SLCO4A1: variants seen among roughly 807,000 people sequenced by gnomAD.
SLCO4A1 encodes solute carrier organic anion transporter family member 4A1, also known as colon organic anion transporter.
SLCO4A1 carries 51 observed loss-of-function variants against 64.6 expected under a neutral mutation model. The ratio of observed to expected loss-of-function variants is 0.79; its 90% confidence interval spans 0.63 to 1.00. The LOEUF (loss-of-function observed/expected upper bound fraction) is 1.00. Ranked by LOEUF, SLCO4A1 falls within the 50% of genes least tolerant of loss-of-function variation. The pLI, the probability that SLCO4A1 is intolerant of heterozygous loss-of-function variation, is 0.00. For synonymous variants in SLCO4A1, 471 were observed against 444.9 expected (o/e 1.06, Z -0.74); for missense variants, 919 against 980.5 (o/e 0.94, Z 0.84).
downstream of SLCO4A1, among the ~76,000 whole-genome samples, chr20:62,687,300 C>T (rs1339334786): frequency 1.3e-5 from 2 of 151,984 alleles, no homozygotes; most frequent in Non-Finnish European, 2.9e-5. Context: ...GACCAAACGC[C>T]ACACAGCCAC....
rs1208351382 is a variant in SLCO4A1, at chr20:62,661,685, GTC to G, written c.1121+514_1121+515del. On this transcript the variant is annotated intron_variant, in intron 5 of 11. Coordinates refer to ENST00000217159, the MANE Select transcript of SLCO4A1 (RefSeq NM_016354.4). The surrounding 1 kb of genome is among the most constrained non-coding windows in gnomAD (Gnocchi z 5.2). The stretch of plus-strand genomic sequence containing the variant: ...CCCCCATCTCCCTCCCTCCCTCAGA[GTC>G]TCTGAGGACCTCCCCCCTCTACCCG... Among the ~76,000 whole-genome samples, 2 of 150,372 alleles carry G rather than the reference GTC, an allele frequency of 1.3e-5. No homozygotes were observed. The highest frequency in any genetic ancestry group is 3.9e-4 in the East Asian group (2 of 5,088).
chr20:62,689,033 C>G (rs910867589), downstream of SLCO4A1, among the ~76,000 whole-genome samples: 1 of 152,230 alleles, frequency 6.6e-6, no homozygotes, highest in Non-Finnish European at 1.5e-5. Context: ...AGTCTTGGAG[C>G]CAGCAGGTGG....
chr20:62,675,100 G>A (rs1438539002), downstream of SLCO4A1, among the ~76,000 whole-genome samples: 2 of 152,208 alleles, frequency 1.3e-5, no homozygotes, highest in African/African-American at 4.8e-5. Context: ...GAGCTGCAGA[G>A]AGGACAGAGA....
intron 5 of SLCO4A1, among the ~76,000 whole-genome samples, chr20:62,663,962 T>C (rs1219697574): frequency 6.6e-6 from 1 of 152,168 alleles, no homozygotes; most frequent in African/African-American, 2.4e-5. Flanking sequence ...AGGCCTCCAA[T>C]GCTAACAAAA....
At chr20:62,682,983 C>T (rs2427379) in intron 2 of SLCO4A1, among the ~76,000 whole-genome samples, 121,867 of 152,250 alleles carry the variant, frequency 0.8, 49,028 homozygotes, top group South Asian at 0.85. Context: ...CTCGAGGCCG[C>T]GGATGGACCC....
At chr20:62,643,946 A>G (rs912230678) in intron 1 of SLCO4A1, among the ~76,000 whole-genome samples, 1 of 152,208 alleles carries the variant, frequency 6.6e-6, no homozygotes, top group African/African-American at 2.4e-5. Flanking sequence ...GATTGACTCT[A>G]GGCCACACAG....
chr20:62,648,464 T>C (rs1981816943), intron 1 of SLCO4A1, among the ~76,000 whole-genome samples: 1 of 151,370 alleles, frequency 6.6e-6, no homozygotes, highest in South Asian at 2.1e-4. Context: ...CCTGGGCACA[T>C]GGGCAGGCTC....
At chr20:62,652,657 C>T (rs879299641) in intron 1 of SLCO4A1, among the ~76,000 whole-genome samples, 49 of 152,322 alleles carry the variant, frequency 3.2e-4, no homozygotes, top group African/African-American at 1.0e-3. Context: ...TCTCCTTCCA[C>T]GCACACTCCC....
chr20:62,658,891 G>A (rs1271893943), intron 3 of SLCO4A1, 124 bp downstream of exon 3: 3 of 793,024 alleles, frequency 3.8e-6, no homozygotes, highest in East Asian at 2.7e-5. Flanking sequence ...GGCACCCCCC[G>A]GGCTGGAGGG....
Position 62,644,714 on chromosome 20 carries a change from C to A in SLCO4A1, c.-97+2161C>A, listed in dbSNP as rs747825566. On this transcript the variant is annotated intron_variant, in intron 1 of 11. Coordinates refer to ENST00000217159, the MANE Select transcript of SLCO4A1 (RefSeq NM_016354.4). This position sits in a 1 kb window ranked among gnomAD's most constrained non-coding sequence, Gnocchi z 5.4. ...TACAAGGTCTTCGATCCGGATGTCT[C>A]CATGAGTGTTAATCCATTTCTGGGG... is the stretch of plus-strand genomic sequence containing the variant. 6.6e-6 allele frequency among the ~76,000 whole-genome samples: 1 copy of A among 152,234 alleles called. No homozygotes were observed. The highest frequency in any genetic ancestry group is 1.5e-5 in the Non-Finnish European group (1 of 68,050).
At position 62,644,767 on chromosome 20, in the gene SLCO4A1, C is replaced by G. The variant is rs1909490481; in HGVS notation, c.-97+2214C>G. Among the ~76,000 whole-genome samples the G allele has an allele frequency of 6.6e-6, 1 of 152,256 alleles. No individual in the cohort carries two copies. Among genetic ancestry groups the G allele is most frequent in the Non-Finnish European group, 1.5e-5 (1 of 68,044 alleles). On this transcript the variant is annotated intron_variant, in intron 1 of 11. Transcript: ENST00000217159. The surrounding 1 kb of genome is among the most constrained non-coding windows in gnomAD (Gnocchi z 5.4). Reference sequence around the variant, plus strand: ...GGTACTGCTGAGCCAATATACATTCCTGGCTTCCTGGACTCGTCCACTGGA... The same window carrying G: ...GGTACTGCTGAGCCAATATACATTCGTGGCTTCCTGGACTCGTCCACTGGA...
At chr20:62,662,213 AAG>A (rs1489428394) in intron 5 of SLCO4A1, among the ~76,000 whole-genome samples, 3 of 152,032 alleles carry the variant, frequency 2.0e-5, no homozygotes, top group Non-Finnish European at 2.9e-5. Flanking sequence ...GAAGATGGGA[AAG>A]AGAGGCCTCA....
chr20:62,666,583 C>A lies in SLCO4A1; in HGVS notation c.1472+8C>A, dbSNP rs768479781. The A allele has an allele frequency of 1.9e-6, 3 of 1,610,144 alleles. No individual in the cohort carries two copies. The highest frequency in any genetic ancestry group is 2.7e-5 in the African/African-American group (2 of 74,926). On this transcript the variant is annotated splice_region_variant and intron_variant, in intron 7 of 11. Coordinates refer to ENST00000217159, the MANE Select transcript of SLCO4A1 (RefSeq NM_016354.4). ...AGCCAGCTACGGCGGGAGGTGAGGG[C>A]CAGATGGCACCTGGGTACGCGTCGG...
intron 3 of SLCO4A1, among the ~76,000 whole-genome samples, chr20:62,660,085 G>A (rs947257707): frequency 1.3e-5 from 2 of 152,306 alleles, no homozygotes; most frequent in East Asian, 1.9e-4. Context: ...GCCTCCTCCC[G>A]CTGTTGCCTG....
chr20:62,681,315 A>G (rs1485064365), intron 2 of SLCO4A1, among the ~76,000 whole-genome samples: 1 of 152,250 alleles, frequency 6.6e-6, no homozygotes, highest in Non-Finnish European at 1.5e-5. Context: ...GTACTTTGAT[A>G]TCACAAACAG....
At chr20:62,664,873 C>A in intron 5 of SLCO4A1, 61 bp from the exon 6 acceptor site, 1 of 1,501,808 alleles carries the variant, frequency 6.7e-7, no homozygotes, top group Non-Finnish European at 9.0e-7. Context: ...TTCTCCACAC[C>A]CCGACCTCTG....
chr20:62,657,059 A>T lies in SLCO4A1; in HGVS notation c.605A>T (p.Asp202Val), dbSNP rs199806435. The stretch of plus-strand genomic sequence containing the variant: ...GCTGGCCGCTATGAGGTGGAGTTGG[A>T]CGCGGGTGTCAGGACGTGCCCTGCC... ...FTAGRYEVEL[D>V]AGVRTCPANP... The change falls in exon 2 of 12, where the codon GAC becomes GTC. Residue 202 changes from aspartate to valine, a missense_variant. Physicochemically the swap from Asp to Val is radical, Grantham distance 152 (BLOSUM62 -3). Transcript: ENST00000217159. 2.8e-5 allele frequency: 45 copies of T among 1,598,590 alleles called. No individual in the cohort carries two copies. In the African/African-American group the frequency reaches 5.0e-4, roughly 18 times the overall value.
chr20:62,677,141 G>T (rs1987632655), downstream of SLCO4A1, among the ~76,000 whole-genome samples: 1 of 152,374 alleles, frequency 6.6e-6, no homozygotes, highest in South Asian at 2.1e-4. Context: ...CTGGGGGAAG[G>T]TGAGGCGGGA....
downstream of SLCO4A1, among the ~76,000 whole-genome samples, chr20:62,675,879 G>A (rs75931921): frequency 6.2e-4 from 94 of 152,298 alleles, no homozygotes; most frequent in African/African-American, 2.0e-3. Context: ...CACAGGGCCC[G>A]GCTGCCTGTG....
Sources: allele counts gnomAD v4.1 joint callset (sites outside exome capture counted in the v4.1 genomes callset), GRCh38; gene constraint gnomAD v4.1.1; non-coding constraint Gnocchi (gnomAD v3.1); transcripts MANE v1.5; gene names NCBI Gene and HGNC (gene_info 2026-07-23, HGNC 2026-07-21).